USH2A: variants seen among roughly 807,000 people sequenced by gnomAD.
The protein encoded by USH2A is usherin.
A neutral mutation model predicts 538.9 loss-of-function variants in USH2A; 443 were observed. The observed-to-expected ratio is 0.82, with a 90% CI of 0.76 to 0.89. The LOEUF is 0.89. USH2A is among the 40% of genes least tolerant of loss of function. The probability of loss-of-function intolerance (pLI) is 0.00; values close to 1 mark genes in which losing one functional copy is unlikely to be tolerated. For synonymous variants in USH2A, 2,413 were observed against 2,273.5 expected (o/e 1.06, Z -1.75); for missense variants, 6,633 against 6,324.8 (o/e 1.05, Z -1.65).
At chr1:216,105,315 C>G (rs2032703505) in intron 21 of USH2A, among the ~76,000 whole-genome samples, 1 of 151,618 alleles carries the variant, frequency 6.6e-6, no homozygotes, top group Admixed American at 6.6e-5. Context: ...GAACCCATCT[C>G]AAATTAAATT....
chr1:216,136,075 C>T (rs1179145340), intron 21 of USH2A, among the ~76,000 whole-genome samples: 1 of 151,740 alleles, frequency 6.6e-6, no homozygotes, highest in Non-Finnish European at 1.5e-5. Flanking sequence ...ATATTAATAC[C>T]CTCATGAAGT....
intron 2 of USH2A, 117 bp from the exon 3 acceptor site, chr1:216,418,796 A>G (rs1429969533): frequency 9.7e-7 from 1 of 1,028,280 alleles, no homozygotes; most frequent in East Asian, 2.5e-5. Flanking sequence ...AAAATGGTGT[A>G]CTATGAATAA....
Position 215,948,425 on chromosome 1 carries a change from G to GAGAT in USH2A, c.7121-13631_7121-13630insATCT, listed in dbSNP as rs1553279472. On this transcript the variant is annotated intron_variant, in intron 37 of 71. Transcript: ENST00000307340. Reference sequence around the variant, plus strand: ...GGTGTGTGTCCTTCATATTTGTTCAGATATATATATATATATATACACACA... The same window carrying GAGAT: ...GGTGTGTGTCCTTCATATTTGTTCAGAGATATATATATATATATATATACACACA... 7.6e-5 allele frequency among the ~76,000 whole-genome samples: 11 copies of GAGAT among 144,600 alleles called. No individual in the cohort carries two copies. The South Asian group carries it at 2.2e-3, about 29-fold the overall frequency. 94.9% of individuals were successfully genotyped at this position (144,600 alleles called of 152,430 possible). A position where few individuals can be genotyped will look rare whatever the true frequency, so the allele number is the denominator to read the frequency against.
At chr1:216,326,032 G>C (rs2037727049) in intron 5 of USH2A, among the ~76,000 whole-genome samples, 1 of 152,192 alleles carries the variant, frequency 6.6e-6, no homozygotes. Context: ...TGGGAAAGAA[G>C]TACGAAAGCA....
intron 21 of USH2A, among the ~76,000 whole-genome samples, chr1:216,138,370 CA>C (rs1356185156): frequency 1.3e-5 from 2 of 152,072 alleles, no homozygotes; most frequent in Non-Finnish European, 2.9e-5. Context: ...AAAAGTAAAA[CA>C]AAAATCTGTT....
At chr1:216,025,091 T>A (rs1668931921) in intron 32 of USH2A, among the ~76,000 whole-genome samples, 1 of 151,924 alleles carries the variant, frequency 6.6e-6, no homozygotes, top group Non-Finnish European at 1.5e-5. Context: ...AAATTCAAGA[T>A]AATATTAGCA....
At position 216,082,566 on chromosome 1, in the gene USH2A, A is replaced by T. The variant is rs566651631; in HGVS notation, c.5298+890T>A. Among the ~76,000 whole-genome samples the T allele has an allele frequency of 4.6e-5, 7 of 152,010 alleles. No homozygotes were observed. In the East Asian group the frequency reaches 9.7e-4, roughly 21 times the overall value. ...AAGAATCTAAGGGTAAGATGTTCATATTTTTCTCCTGTTTCTATGCTAGTT... is the reference window on the plus strand; with the variant it reads ...AAGAATCTAAGGGTAAGATGTTCATTTTTTTCTCCTGTTTCTATGCTAGTT... On this transcript the variant is annotated intron_variant, in intron 26 of 71. Coordinates refer to ENST00000307340, the MANE Select transcript of USH2A (RefSeq NM_206933.4).
At chr1:215,662,229 G>A (rs1417850152) in intron 64 of USH2A, among the ~76,000 whole-genome samples, 9 of 152,182 alleles carry the variant, frequency 5.9e-5, no homozygotes, top group Admixed American at 2.0e-4. Context: ...CATCTGAAGA[G>A]CCATGAGGGC....
chr1:216,161,052 CTCTT>C (rs1050598979), intron 21 of USH2A, among the ~76,000 whole-genome samples: 2 of 152,012 alleles, frequency 1.3e-5, no homozygotes, highest in African/African-American at 4.8e-5. Flanking sequence ...TACATCTTAT[CTCTT>C]TCTTTGTTTT....
chr1:216,297,789 C>T (rs2102618096), intron 9 of USH2A, among the ~76,000 whole-genome samples: 1 of 152,250 alleles, frequency 6.6e-6, no homozygotes, highest in Middle Eastern at 3.4e-3. Flanking sequence ...GTAGTTATAA[C>T]TACAGAGGAG....
chr1:216,394,887 T>A (rs1273231558), intron 3 of USH2A, among the ~76,000 whole-genome samples: 1 of 151,652 alleles, frequency 6.6e-6, no homozygotes, highest in East Asian at 2.0e-4. Context: ...CCCGGCTAAT[T>A]TTTTGTATTT....
At position 215,790,231 on chromosome 1, in the gene USH2A, C is replaced by A. The variant is rs770756678; in HGVS notation, c.10010G>T (p.Cys3337Phe). ...DYVNMSDTIC[C>F]SASSGESKAH... The stretch of plus-strand genomic sequence containing the variant: ...TTTAGACTCTCCACTGGAAGCTGAG[C>A]AGCATATGGTATCTGACATATTCAC... Residue 3337 changes from cysteine (C) to phenylalanine (F), a missense_variant, in exon 51 of 72, where the codon TGC (cysteine) becomes TTC (phenylalanine). Coordinates refer to ENST00000307340, the MANE Select transcript of USH2A (RefSeq NM_206933.4). 1.4e-5 allele frequency: 22 copies of A among 1,613,902 alleles called. No homozygotes were observed. The highest frequency in any genetic ancestry group is 6.7e-5 in the Admixed American group (4 of 59,974).
chr1:215,811,561 C>A (rs912343648), intron 49 of USH2A, among the ~76,000 whole-genome samples: 1 of 152,024 alleles, frequency 6.6e-6, no homozygotes, highest in East Asian at 1.9e-4. Context: ...TATCCCCAAC[C>A]AATAAGCATT....
At chr1:215,626,311 A>G (rs1230030595) in intron 71 of USH2A, among the ~76,000 whole-genome samples, 2 of 149,538 alleles carry the variant, frequency 1.3e-5, no homozygotes, top group African/African-American at 4.9e-5. Flanking sequence ...ATATATATAT[A>G]TGTATGTATG....
At chr1:215,970,523 G>T in intron 36 of USH2A, 102 bp downstream of exon 36, 1 of 1,434,622 alleles carries the variant, frequency 7.0e-7, no homozygotes, top group African/African-American at 1.4e-5. Flanking sequence ...TGCTTGAAAG[G>T]CTAGCTGTGC....
At chr1:216,096,194 C>T (rs908719217) in intron 22 of USH2A, among the ~76,000 whole-genome samples, 3 of 152,270 alleles carry the variant, frequency 2.0e-5, no homozygotes, top group South Asian at 4.1e-4. Flanking sequence ...GGTTTCTACC[C>T]AGCTTTTCAA....
At chr1:216,107,228 T>C (rs887762943) in intron 21 of USH2A, among the ~76,000 whole-genome samples, 1 of 151,856 alleles carries the variant, frequency 6.6e-6, no homozygotes, top group African/African-American at 2.4e-5. Context: ...AAGAAAGTCA[T>C]TTAAAAATCT....
chr1:215,694,530 G>A (rs573051533), intron 61 of USH2A, among the ~76,000 whole-genome samples: 6 of 152,282 alleles, frequency 3.9e-5, no homozygotes, highest in South Asian at 2.1e-4. Flanking sequence ...CCGAGATCAC[G>A]CCACTGCACT....
chr1:215,727,308 G>T (rs11120613), intron 61 of USH2A, among the ~76,000 whole-genome samples: 97,925 of 151,892 alleles, frequency 0.64, 34,671 homozygotes, highest in Non-Finnish European at 0.81. Context: ...ATACTAGCTT[G>T]TTGGGGAAGT....
Sources: gnomAD v4.1 joint callset for allele counts (sites outside exome capture counted in the v4.1 genomes callset) on GRCh38, gnomAD v4.1.1 for gene constraint, MANE v1.5 for transcripts, NCBI Gene and HGNC (gene_info 2026-07-23, HGNC 2026-07-21) for gene names.